The following SUSD2 variants were observed in gnomAD, a reference collection of about 807,000 sequenced individuals.
SUSD2 encodes sushi domain containing 2.
SUSD2 carries 86 observed loss-of-function variants against 93.8 expected under a neutral mutation model. The ratio of observed to expected loss-of-function variants is 0.92; its 90% CI spans 0.77 to 1.10. SUSD2 has a LOEUF of 1.10. Ranked by LOEUF, SUSD2 falls within the 50% of genes least tolerant of loss-of-function variation. The pLI is 0.00. For missense variants in SUSD2, 1,060 were observed against 1,137.0 expected, an observed-to-expected ratio of 0.93 and a Z score of 0.97; for synonymous variants, 483 against 485.0, an observed-to-expected ratio of 1.00 and a Z score of 0.05.
intron 4 of SUSD2, 120 bp from the exon 5 acceptor site, chr22:24,184,646 C>T: frequency 1.3e-6 from 1 of 789,984 alleles, no homozygotes; most frequent in Non-Finnish European, 2.0e-6. Flanking sequence ...GCTAGAACAG[C>T]CCCTCCTAAG....
Position 24,187,382 on chromosome 22 carries a change from C to A in SUSD2, c.1823C>A (p.Thr608Asn). The A allele has an allele frequency of 6.2e-7, 1 of 1,613,902 alleles. No homozygotes were observed. Among genetic ancestry groups the A allele is most frequent in the African/African-American group, 1.3e-5 (1 of 74,984 alleles). ...AACAACGACCCCACCGACGACTTCA[C>A]CCTGCACAGCGGGCGCGTCCTGCCC... ...TLNNDPTDDF[T>N]LHSGRVLPPG... Residue 608 changes from threonine to asparagine, a missense_variant, in exon 11 of 15, where the codon ACC (threonine) becomes AAC (asparagine). By Grantham distance (65) the Thr-to-Asn change is moderately conservative. Around this residue, in one of 2 missense-constraint regions of SUSD2, gnomAD observed 973 missense variants for 1,005.3 expected, o/e 0.97. Coordinates refer to ENST00000358321, the MANE Select transcript of SUSD2 (RefSeq NM_019601.4).
At position 24,185,483 on chromosome 22, in the gene SUSD2, C is replaced by T; in HGVS notation, c.985-3C>T. ...TGGGTGACAGCCACCTGCTGCTCTG[C>T]AGACGGACTACGGCTGTGACATGGA... On this transcript the variant is annotated splice_region_variant and splice_polypyrimidine_tract_variant and intron_variant, in intron 6 of 14. Transcript: ENST00000358321. The T allele has an allele frequency of 3.2e-6, 5 of 1,559,742 alleles. No individual in the cohort carries two copies. The highest frequency in any genetic ancestry group is 4.3e-6 in the Non-Finnish European group (5 of 1,151,592).
chr22:24,185,990 C>A (rs374318401), intron 8 of SUSD2, 26 bp from the exon 9 acceptor site: 374 of 1,589,620 alleles, frequency 2.4e-4, no homozygotes, highest in Admixed American at 1.0e-3. Flanking sequence ...GGTGCACCCC[C>A]ACGTGACCCT....
chr22:24,185,953 A>T lies in SUSD2; in HGVS notation c.1339+24A>T, dbSNP rs112923332. On this transcript the variant is annotated intron_variant, in intron 8 of 14. Transcript: ENST00000358321. ...GGGTGGGTGCCATCCCGTGCCCCAG[A>T]CCCTGGGAAAGATCGGGCTGGGCTG... The T allele has an allele frequency of 1.8e-3, 2,882 of 1,570,762 alleles. 44 individuals carry two copies. The African/African-American group carries it at 0.034, about 19-fold the overall frequency.
chr22:24,186,949 G>A (rs1027410377), intron 10 of SUSD2: 1 of 572,906 alleles, frequency 1.7e-6, no homozygotes, highest in Admixed American at 3.0e-5. Context: ...AGGCCAGAGG[G>A]ACCCACACGT....
chr22:24,186,196 G>A (rs200181778), intron 9 of SUSD2, 37 bp downstream of exon 9: 1 of 1,609,320 alleles, frequency 6.2e-7, no homozygotes, highest in South Asian at 1.1e-5. Context: ...GGTTGGCATG[G>A]GGTAGAACCA....
At chr22:24,185,978 G>A (rs776519587) in intron 8 of SUSD2, 38 bp from the exon 9 acceptor site, 6 of 1,582,374 alleles carry the variant, frequency 3.8e-6, no homozygotes, top group South Asian at 1.2e-5. Context: ...GGGCTGGGCT[G>A]GGGTGCACCC....
intron 7 of SUSD2, 37 bp from the exon 8 acceptor site, chr22:24,185,624 C>G (rs1405598907): frequency 1.2e-6 from 2 of 1,607,758 alleles, no homozygotes; most frequent in Admixed American, 1.7e-5. Context: ...GGTGGGCTCC[C>G]AACAGTGGCC....
Position 24,188,765 on chromosome 22 carries a change from C to T in SUSD2, c.*329C>T, listed in dbSNP as rs1056612861. 2 of 295,702 alleles carry T rather than the reference C, an allele frequency of 6.8e-6. No individual in the cohort carries two copies. The highest frequency in any genetic ancestry group is 4.7e-5 in the Admixed American group (1 of 21,390). The allele number at this position is 295,702 out of a possible 1,614,324, so 18.3% of individuals were successfully genotyped here. On this transcript the variant is annotated 3_prime_UTR_variant, in exon 15 of 15. Coordinates refer to ENST00000358321, the MANE Select transcript of SUSD2 (RefSeq NM_019601.4). The surrounding 1 kb of genome is among the most constrained non-coding windows in gnomAD (Gnocchi z 4.7). The stretch of plus-strand genomic sequence containing the variant: ...GCCTCAGATTCCAATAGCTCACTCC[C>T]TAGAGCCTGACGCCGGGGCCCCTGA...
chr22:24,183,713 C>T, intron 3 of SUSD2, 67 bp downstream of exon 3: 2 of 1,530,068 alleles, frequency 1.3e-6, no homozygotes, highest in Non-Finnish European at 1.8e-6. Flanking sequence ...TCTATGCACA[C>T]CGAGACTTGG....
intron 11 of SUSD2, 45 bp from the exon 12 acceptor site, chr22:24,187,526 C>A (rs1207373064): frequency 1.9e-6 from 3 of 1,602,190 alleles, no homozygotes; most frequent in Non-Finnish European, 2.6e-6. Context: ...GCTTGGGGAC[C>A]AAAGGGAGCC....
At chr22:24,186,798 C>T (rs2047369202) in intron 10 of SUSD2, 9 of 404,412 alleles carry the variant, frequency 2.2e-5, no homozygotes, top group South Asian at 2.0e-4. Context: ...GGTAGCTCCA[C>T]ATCTGAACCC....
chr22:24,186,928 T>A, intron 10 of SUSD2: 1 of 544,466 alleles, frequency 1.8e-6, no homozygotes, highest in Non-Finnish European at 3.3e-6. Flanking sequence ...CAGGTGTGGC[T>A]GCTGCAGCCA....
chr22:24,187,484 G>T (rs772593722), intron 11 of SUSD2, 34 bp downstream of exon 11: 8 of 1,607,886 alleles, frequency 5.0e-6, no homozygotes, highest in Non-Finnish European at 8.5e-7. Flanking sequence ...GGCAGACGGG[G>T]TGGGGGTTAC....
chr22:24,181,720 G>A lies in SUSD2; in HGVS notation c.76+125G>A, dbSNP rs1280830717. ...CAGGCCATCTGTGGCTGTGCTAGGG[G>A]TGATGGGAAGAAATTCTGAGGGTCC... On this transcript the variant is annotated intron_variant, in intron 1 of 14. Transcript: ENST00000358321. The A allele has an allele frequency of 1.6e-5, 12 of 744,964 alleles. No homozygotes were observed. The Admixed American group carries it at 3.8e-4, about 23-fold the overall frequency. The allele number at this position is 744,964 out of a possible 1,614,324, so 46.1% of individuals were successfully genotyped here. A position where few individuals can be genotyped will look rare whatever the true frequency, so the allele number is the denominator to read the frequency against.
At position 24,185,495 on chromosome 22, in the gene SUSD2, G is replaced by A. The variant is rs540449301; in HGVS notation, c.994G>A (p.Gly332Ser). 21 of 1,565,384 alleles carry A rather than the reference G, an allele frequency of 1.3e-5. No homozygotes were observed. The highest frequency in any genetic ancestry group is 9.5e-5 in the African/African-American group (7 of 73,874). ...ADSGRFFTDY[G>S]CDMEQGSVCT... ...ACCTGCTGCTCTGCAGACGGACTAC[G>A]GCTGTGACATGGAGCAGGGCAGCGT... The change falls in exon 7 of 15, where the codon GGC (glycine) becomes AGC (serine). Residue 332 changes from glycine (G) to serine (S), a missense_variant. Around this residue, in one of 2 missense-constraint regions of SUSD2, gnomAD observed 973 missense variants for 1,005.3 expected, o/e 0.97. Transcript: ENST00000358321.
In SUSD2 at chr22:24,185,422, T is replaced by TG. The variant is rs2047355260; in HGVS notation, c.985-62dup. The TG allele has an allele frequency of 2.6e-6, 4 of 1,535,004 alleles. No individual in the cohort carries two copies. In the Admixed American group the frequency reaches 7.8e-5, roughly 30 times the overall value. Reference sequence around the variant, plus strand: ...TGGGGTCTCAGGACCCCTGCAGGGTTGGCCTCAGGGAGGGGATGACAGAAC... The same window carrying TG: ...TGGGGTCTCAGGACCCCTGCAGGGTTGGGCCTCAGGGAGGGGATGACAGAAC... On this transcript the variant is annotated intron_variant, in intron 6 of 14. Coordinates refer to ENST00000358321, the MANE Select transcript of SUSD2 (RefSeq NM_019601.4).
chr22:24,185,203 G>C lies in SUSD2; in HGVS notation c.892G>C (p.Glu298Gln). ...WARTQCQAWEELEDQLPNFLE... is the reference protein window; with the variant it reads ...WARTQCQAWEQLEDQLPNFLE... ...ACGAACTCAGTGCCAGGCCTGGGAG[G>C]AGCTGGAGGATCAGCTGCCCAACTT... Residue 298 changes from glutamate to glutamine, a missense_variant, in exon 6 of 15, where the codon GAG becomes CAG. Glu to Gln is a conservative substitution (Grantham distance 29). Coordinates refer to ENST00000358321, the MANE Select transcript of SUSD2 (RefSeq NM_019601.4). 1 of 1,611,446 alleles carries C rather than the reference G, an allele frequency of 6.2e-7. No individual in the cohort carries two copies. The highest frequency in any genetic ancestry group is 8.5e-7 in the Non-Finnish European group (1 of 1,179,912).
intron 6 of SUSD2, 58 bp downstream of exon 6, chr22:24,185,353 A>G: frequency 7.0e-6 from 11 of 1,569,410 alleles, no homozygotes; most frequent in Non-Finnish European, 9.5e-6. Context: ...CCCACTGAGG[A>G]CAGCACCAGG....
Sources: gnomAD v4.1 joint callset for allele counts on GRCh38, gnomAD v4.1.1 for gene constraint, gnomAD v4.1.1 regional missense constraint, Gnocchi (gnomAD v3.1) non-coding constraint, MANE v1.5 for transcripts, NCBI Gene and HGNC (gene_info 2026-07-23, HGNC 2026-07-21) for gene names.